The following NRG1 variants were observed in gnomAD, a reference collection of about 807,000 sequenced individuals.
NRG1 encodes the protein neuregulin 1.
NRG1 carries 18 observed loss-of-function variants against 63.8 expected under a neutral mutation model. That is an observed-to-expected ratio of 0.28 (90% confidence interval 0.19 to 0.42). The LOEUF (loss-of-function observed/expected upper bound fraction) is 0.42, where lower values mean the gene tolerates loss of function less well. NRG1 is among the 10% of genes least tolerant of loss of function. The pLI is 1.00. For missense variants in NRG1, 762 were observed against 814.7 expected (o/e 0.94, Z 0.79); for synonymous variants, 302 against 301.3 (o/e 1.00, Z -0.02).
rs117553730 is a variant in NRG1, at chr8:31,782,310, G to C, written c.37+142879G>C. On this transcript the variant is annotated intron_variant, in intron 1 of 10. Coordinates refer to the NRG1 transcript ENST00000519301. Reference sequence around the variant, plus strand: ...ACTTCCTTACTTCCTTCAGATTTTCGCTCAGATACCATGTTATTCATGAGG... The same window carrying C: ...ACTTCCTTACTTCCTTCAGATTTTCCCTCAGATACCATGTTATTCATGAGG... Among the ~76,000 whole-genome samples the C allele has an allele frequency of 3.8e-3, 583 of 151,960 alleles. 1 individual carries two copies. The highest frequency in any genetic ancestry group is 0.02 in the Middle Eastern group (6 of 294).
At chr8:32,667,877 A>G (rs1440759473) in intron 5 of NRG1, among the ~76,000 whole-genome samples, 5 of 152,136 alleles carry the variant, frequency 3.3e-5, no homozygotes, top group African/African-American at 9.7e-5. Flanking sequence ...GATAACGATG[A>G]TGGCAAAGGG....
At chr8:31,771,439 G>A (rs571715283) in intron 1 of NRG1, among the ~76,000 whole-genome samples, 5 of 152,018 alleles carry the variant, frequency 3.3e-5, no homozygotes, top group Admixed American at 6.6e-5. Context: ...ATATTTTACT[G>A]TTTTTTCCTA....
intron 5 of NRG1, among the ~76,000 whole-genome samples, chr8:32,620,831 A>T (rs958297583): frequency 3.3e-5 from 5 of 151,840 alleles, no homozygotes; most frequent in African/African-American, 9.7e-5. Context: ...CTCTTAAAAT[A>T]AAAACAAACA....
intron 1 of NRG1, among the ~76,000 whole-genome samples, chr8:32,133,000 C>A (rs1459743668): frequency 6.6e-6 from 1 of 151,738 alleles, no homozygotes; most frequent in Non-Finnish European, 1.5e-5. Context: ...CCCACTCCTC[C>A]CCCCTTTCCC....
chr8:31,650,448 C>T (rs769494044), intron 1 of NRG1, among the ~76,000 whole-genome samples: 5 of 152,182 alleles, frequency 3.3e-5, no homozygotes, highest in Non-Finnish European at 7.3e-5. Flanking sequence ...CCTGAACAGG[C>T]CAGGCACTTT....
chr8:32,289,956 C>T (rs1458468507), intron 1 of NRG1, among the ~76,000 whole-genome samples: 2 of 152,060 alleles, frequency 1.3e-5, no homozygotes. Flanking sequence ...TATAAAATAT[C>T]AGGGCCAGGC....
chr8:32,713,524 T>A (rs9656756), intron 5 of NRG1, among the ~76,000 whole-genome samples: 14,001 of 151,642 alleles, frequency 0.092, 685 homozygotes, highest in African/African-American at 0.11. Flanking sequence ...CAAACCCCAT[T>A]TCCTGCCTGC....
chr8:31,780,970 C>T (rs1215239147), intron 1 of NRG1, among the ~76,000 whole-genome samples: 1 of 152,208 alleles, frequency 6.6e-6, no homozygotes, highest in African/African-American at 2.4e-5. Context: ...GAAACTTTCT[C>T]TGAATCATAA....
At chr8:32,144,439 C>T (rs1836646990) in intron 1 of NRG1, among the ~76,000 whole-genome samples, 1 of 152,000 alleles carries the variant, frequency 6.6e-6, no homozygotes. Context: ...CTAGTTGTAG[C>T]ACTAGCCAGA....
intron 1 of NRG1, among the ~76,000 whole-genome samples, chr8:32,552,569 G>A (rs572695616): frequency 7.2e-5 from 11 of 152,188 alleles, no homozygotes; most frequent in South Asian, 2.1e-4. Context: ...ACATTCTTGC[G>A]TATAAAGTAC....
intron 1 of NRG1, among the ~76,000 whole-genome samples, chr8:31,966,970 CT>C (rs1307310097): frequency 1.3e-5 from 2 of 152,070 alleles, no homozygotes; most frequent in African/African-American, 4.8e-5. Flanking sequence ...TGGCTTTTGA[CT>C]GCTTTTTATG....
At chr8:32,137,521 AGAT>A (rs1230164334) in intron 1 of NRG1, among the ~76,000 whole-genome samples, 1 of 152,182 alleles carries the variant, frequency 6.6e-6, no homozygotes, top group African/African-American at 2.4e-5. Context: ...AATTTAATGT[AGAT>A]GATATTTTCT....
At chr8:32,728,894 T>C (rs1054463113) in intron 6 of NRG1, among the ~76,000 whole-genome samples, 13 of 151,788 alleles carry the variant, frequency 8.6e-5, no homozygotes, top group African/African-American at 3.1e-4. Flanking sequence ...TGAAACCCCG[T>C]CTCTACTAAA....
intron 1 of NRG1, among the ~76,000 whole-genome samples, chr8:31,689,846 A>T (rs964321350): frequency 1.3e-5 from 2 of 152,212 alleles, no homozygotes. Flanking sequence ...GGTCAAGAAG[A>T]ATCACAAGTG....
At chr8:32,721,998 A>T in intron 5 of NRG1, 1 of 1,548,408 alleles carries the variant, frequency 6.5e-7, no homozygotes, top group Non-Finnish European at 8.7e-7. Flanking sequence ...AAAGAGCAGG[A>T]AAGTATGCAG....
intron 1 of NRG1, among the ~76,000 whole-genome samples, chr8:32,262,252 C>T (rs1233476949): frequency 6.6e-6 from 1 of 152,092 alleles, no homozygotes; most frequent in Non-Finnish European, 1.5e-5. Flanking sequence ...TCTCTTTGTT[C>T]CAGCTCCTTG....
intron 1 of NRG1, among the ~76,000 whole-genome samples, chr8:32,466,975 C>T (rs1823148289): frequency 6.6e-6 from 1 of 152,170 alleles, no homozygotes; most frequent in East Asian, 1.9e-4. Context: ...CACACAGCAA[C>T]CCCTCAGGAT....
At chr8:31,950,527 G>A (rs1183588385) in intron 1 of NRG1, among the ~76,000 whole-genome samples, 1 of 152,190 alleles carries the variant, frequency 6.6e-6, no homozygotes, top group African/African-American at 2.4e-5. Context: ...GCAGCAGCTG[G>A]AACAGTTCAA....
At chr8:32,416,935 C>T (rs1457233754) in intron 1 of NRG1, among the ~76,000 whole-genome samples, 1 of 152,188 alleles carries the variant, frequency 6.6e-6, no homozygotes, top group Non-Finnish European at 1.5e-5. Flanking sequence ...ATCCTCCCAC[C>T]TTGGCCTCCC....
Sources: allele counts gnomAD v4.1 joint callset (sites outside exome capture counted in the v4.1 genomes callset), GRCh38; gene constraint gnomAD v4.1.1; transcripts MANE v1.5; gene names NCBI Gene and HGNC (gene_info 2026-07-23, HGNC 2026-07-21).